The following NXPH2 variants were observed in gnomAD, a reference collection of about 807,000 sequenced individuals.
NXPH2 encodes the protein neurexophilin-2.
A neutral mutation model predicts 19.8 loss-of-function variants in NXPH2; 5 were observed. The observed-to-expected ratio is 0.25, with a 90% CI of 0.13 to 0.53. The LOEUF is 0.53. Ranked by LOEUF, NXPH2 falls within the 20% of genes least tolerant of loss-of-function variation. NXPH2 has a pLI of 0.96. For missense variants in NXPH2, 289 were observed against 322.8 expected (o/e 0.90, Z 0.80); for synonymous variants, 154 against 127.4 (o/e 1.21, Z -1.41).
At chr2:138,691,067 TGTG>T (rs1558914670) in intron 1 of NXPH2, among the ~76,000 whole-genome samples, 1 of 152,052 alleles carries the variant, frequency 6.6e-6, no homozygotes, top group East Asian at 1.9e-4. Context: ...TCAGGGAAAG[TGTG>T]GTGAATTCTG....
intron 1 of NXPH2, among the ~76,000 whole-genome samples, chr2:138,695,897 C>T (rs1680822122): frequency 6.6e-6 from 1 of 152,070 alleles, no homozygotes; most frequent in Non-Finnish European, 1.5e-5. Context: ...CACTTATAAT[C>T]CTCCATTGTG....
intron 1 of NXPH2, among the ~76,000 whole-genome samples, chr2:138,706,456 G>A (rs1277894429): frequency 6.6e-6 from 1 of 152,194 alleles, no homozygotes; most frequent in Non-Finnish European, 1.5e-5. Context: ...CAGCTGGTGG[G>A]CTGTTCTCTA....
chr2:138,744,731 C>T (rs1681699428), intron 1 of NXPH2, among the ~76,000 whole-genome samples: 1 of 152,184 alleles, frequency 6.6e-6, no homozygotes, highest in Non-Finnish European at 1.5e-5. Context: ...TCCTTAAGGT[C>T]TGCTTTTTCC....
chr2:138,739,876 GA>G (rs963625436), intron 1 of NXPH2, among the ~76,000 whole-genome samples: 1 of 152,044 alleles, frequency 6.6e-6, no homozygotes, highest in African/African-American at 2.4e-5. Flanking sequence ...AGAGAAGAGG[GA>G]AAAAAATAGA....
At chr2:138,755,449 T>G (rs1052305795) in intron 1 of NXPH2, among the ~76,000 whole-genome samples, 1 of 152,180 alleles carries the variant, frequency 6.6e-6, no homozygotes, top group African/African-American at 2.4e-5. Context: ...TTGAATTGCC[T>G]TTGTTCCTTT....
At chr2:138,758,203 C>G (rs1265392196) in intron 1 of NXPH2, among the ~76,000 whole-genome samples, 2 of 152,054 alleles carry the variant, frequency 1.3e-5, no homozygotes, top group Non-Finnish European at 1.5e-5. Context: ...CCTCTTTTGA[C>G]AAAGCTGATT....
At chr2:138,776,835 G>T (rs1291796103) in intron 1 of NXPH2, among the ~76,000 whole-genome samples, 1 of 151,964 alleles carries the variant, frequency 6.6e-6, no homozygotes, top group Non-Finnish European at 1.5e-5. Context: ...TAGTTTTAAT[G>T]TAAGTACCCT....
At chr2:138,672,788 A>G (rs149469583) in intron 1 of NXPH2, among the ~76,000 whole-genome samples, 1 of 152,332 alleles carries the variant, frequency 6.6e-6, no homozygotes, top group East Asian at 1.9e-4. Context: ...AACACTTGGT[A>G]AAAATGGTTT....
chr2:138,734,636 A>G (rs1681511403), intron 1 of NXPH2, among the ~76,000 whole-genome samples: 2 of 152,338 alleles, frequency 1.3e-5, no homozygotes, highest in South Asian at 4.1e-4. Context: ...GGTGACAGCA[A>G]TAAGCCAGAG....
intron 1 of NXPH2, among the ~76,000 whole-genome samples, chr2:138,706,241 C>T (rs532164378): frequency 1.4e-4 from 21 of 152,328 alleles, no homozygotes; most frequent in African/African-American, 3.8e-4. Context: ...TATTATTCTA[C>T]TATCCTTATT....
chr2:138,738,964 A>T (rs538117172), intron 1 of NXPH2, among the ~76,000 whole-genome samples: 1 of 152,206 alleles, frequency 6.6e-6, no homozygotes, highest in Non-Finnish European at 1.5e-5. Flanking sequence ...GCCCTGAAAG[A>T]AATGTTGGCT....
At chr2:138,707,107 A>AAAAAAAAAAAAAAAAAC (rs1558918445) in intron 1 of NXPH2, among the ~76,000 whole-genome samples, 1 of 146,536 alleles carries the variant, frequency 6.8e-6, no homozygotes, top group African/African-American at 2.5e-5. Context: ...AAAAAAAAAA[A>AAAAAAAAAAAAAAAAAC]AAAAAGAGCA....
chr2:138,707,215 G>A (rs377217851), intron 1 of NXPH2, among the ~76,000 whole-genome samples: 26 of 151,460 alleles, frequency 1.7e-4, no homozygotes, highest in African/African-American at 6.3e-4. Flanking sequence ...ATATTCTGAA[G>A]GATGATATTC....
In NXPH2 at chr2:138,773,792, G is replaced by A. The variant is rs148837011; in HGVS notation, c.51+6399C>T. Reference sequence around the variant, plus strand: ...AATGACCTTAGAATCACTTTATGTGGCAAAAAAGCAGCAATATCTCAAAGT... The same window carrying A: ...AATGACCTTAGAATCACTTTATGTGACAAAAAAGCAGCAATATCTCAAAGT... On this transcript the variant is annotated intron_variant, in intron 1 of 1. Transcript: ENST00000272641. 1.1e-4 allele frequency among the ~76,000 whole-genome samples: 17 copies of A among 152,126 alleles called. No individual in the cohort carries two copies. In the East Asian group the frequency reaches 3.3e-3, roughly 29 times the overall value.
intron 1 of NXPH2, among the ~76,000 whole-genome samples, chr2:138,724,909 C>T (rs1681336484): frequency 6.6e-6 from 1 of 152,184 alleles, no homozygotes. Flanking sequence ...AGTTGAAAAT[C>T]AGTCTGTGAG....
chr2:138,722,438 G>C (rs964210546), intron 1 of NXPH2, among the ~76,000 whole-genome samples: 1 of 152,208 alleles, frequency 6.6e-6, no homozygotes, highest in African/African-American at 2.4e-5. Context: ...GCAGGGCAGC[G>C]TGAAGACTCA....
At chr2:138,684,887 A>C (rs1036983236) in intron 1 of NXPH2, among the ~76,000 whole-genome samples, 3 of 152,268 alleles carry the variant, frequency 2.0e-5, no homozygotes, top group African/African-American at 7.2e-5. Context: ...GGCAGTATAA[A>C]ATTTTCAAAA....
intron 1 of NXPH2, among the ~76,000 whole-genome samples, chr2:138,726,300 C>T (rs953690134): frequency 5.3e-5 from 8 of 152,282 alleles, no homozygotes; most frequent in African/African-American, 1.9e-4. Context: ...CCGCCTCAGC[C>T]TCCCAAAGTG....
chr2:138,679,942 T>C (rs556509512), intron 1 of NXPH2, among the ~76,000 whole-genome samples: 43 of 152,174 alleles, frequency 2.8e-4, no homozygotes, highest in Non-Finnish European at 5.4e-4. Flanking sequence ...AAGTGGAGTG[T>C]CCCAATCAAA....
Sources: gnomAD v4.1 joint callset for allele counts (sites outside exome capture counted in the v4.1 genomes callset) on GRCh38, gnomAD v4.1.1 for gene constraint, MANE v1.5 for transcripts, NCBI Gene and HGNC (gene_info 2026-07-23, HGNC 2026-07-21) for gene names.